Variants in RDX observed in about 807,000 individuals in gnomAD.
The protein encoded by RDX is radixin.
RDX carries 32 observed loss-of-function variants against 83.7 expected under a neutral mutation model. The ratio of observed to expected loss-of-function variants is 0.38; its 90% CI spans 0.29 to 0.51. RDX has a LOEUF of 0.51. Among genes scored for constraint, RDX ranks in the 20% least tolerant of loss-of-function variants. The pLI is 0.87. For missense variants in RDX, 600 were observed against 689.9 expected (o/e 0.87, Z 1.46); for synonymous variants, 229 against 222.7 (o/e 1.03, Z -0.25).
intron 14 of RDX, among the ~76,000 whole-genome samples, chr11:110,205,627 C>A (rs200689089): frequency 2.0e-4 from 31 of 151,882 alleles, no homozygotes; most frequent in Admixed American, 1.8e-3. Flanking sequence ...GAAAATGAAA[C>A]ATGAAAGGCC....
intron 14 of RDX, among the ~76,000 whole-genome samples, chr11:110,209,349 G>A (rs554882688): frequency 7.9e-5 from 12 of 151,976 alleles, no homozygotes; most frequent in East Asian, 1.9e-4. Flanking sequence ...CGCCCACGGA[G>A]TCTCGCTGAT....
chr11:110,285,533 G>C (rs929780369), intron 1 of RDX, among the ~76,000 whole-genome samples: 1 of 152,092 alleles, frequency 6.6e-6, no homozygotes, highest in Admixed American at 6.5e-5. Flanking sequence ...GGGCAACATG[G>C]AGAAACCCTG....
rs184676858 is a variant in RDX, at chr11:110,265,918, G to A, written c.97-1044C>T. 2.9e-3 allele frequency among the ~76,000 whole-genome samples: 439 copies of A among 152,234 alleles called. 3 individuals are homozygous for A. Among genetic ancestry groups the A allele is most frequent in the Middle Eastern group, 0.02 (6 of 294 alleles). ...ATCATAATTGTGTTATTAGCAGTGT[G>A]TCTATTTACCCTCCTTGACTGCATA... is the stretch of plus-strand genomic sequence containing the variant. On this transcript the variant is annotated intron_variant, in intron 3 of 13. Coordinates refer to ENST00000645495, the MANE Select transcript of RDX (RefSeq NM_002906.4).
chr11:110,177,143 A>C (rs1262904920), intron 15 of RDX, among the ~76,000 whole-genome samples: 1 of 152,272 alleles, frequency 6.6e-6, no homozygotes, highest in East Asian at 1.9e-4. Context: ...GTAAAAGCCA[A>C]GACAAGGAGA....
At position 110,231,865 on chromosome 11, in the gene RDX, G is replaced by A; in HGVS notation, c.*4C>T. ...TGAAGAACATATATGCAAAATAACA[G>A]CTCTCACATTGCTTCAAACTCATCG... On this transcript the variant is annotated 3_prime_UTR_variant, in exon 14 of 14. Coordinates refer to ENST00000645495, the MANE Select transcript of RDX (RefSeq NM_002906.4). 1 of 1,612,106 alleles carries A rather than the reference G, an allele frequency of 6.2e-7. No individual in the cohort carries two copies. The highest frequency in any genetic ancestry group is 8.5e-7 in the Non-Finnish European group (1 of 1,179,906).
intron 15 of RDX, among the ~76,000 whole-genome samples, chr11:110,175,805 T>C (rs937285405): frequency 6.6e-6 from 1 of 152,248 alleles, no homozygotes; most frequent in East Asian, 1.9e-4. Flanking sequence ...TTCAGTAAAC[T>C]CTGGAGGAGA....
At chr11:110,256,394 T>C (rs1859546774) in intron 7 of RDX, among the ~76,000 whole-genome samples, 1 of 152,226 alleles carries the variant, frequency 6.6e-6, no homozygotes, top group Non-Finnish European at 1.5e-5. Context: ...AAACGGAGAC[T>C]GCAGGAATGC....
At chr11:110,214,976 A>C (rs995016938) in intron 14 of RDX, among the ~76,000 whole-genome samples, 16 of 149,586 alleles carry the variant, frequency 1.1e-4, no homozygotes, top group Admixed American at 2.7e-4. Flanking sequence ...TTGTACCCTA[A>C]AACTTAAAGT....
At chr11:110,185,894 TACCA>T (rs1862977973) in intron 15 of RDX, among the ~76,000 whole-genome samples, 1 of 152,132 alleles carries the variant, frequency 6.6e-6, no homozygotes, top group Admixed American at 6.6e-5. Context: ...GCTACAAACC[TACCA>T]GTCAAGCAAC....
exon 16 of RDX, chr11:110,175,166 G>A (rs1382925774): frequency 6.6e-6 from 1 of 152,236 alleles, no homozygotes; most frequent in Non-Finnish European, 1.5e-5. Context: ...AACAGTGGTA[G>A]CTTCTGTGTC....
downstream of RDX, among the ~76,000 whole-genome samples, chr11:110,228,061 CCA>C (rs1864489378): frequency 6.6e-6 from 1 of 151,940 alleles, no homozygotes; most frequent in South Asian, 2.1e-4. Context: ...CATGATCTTT[CCA>C]CAGAGAAAAT....
chr11:110,212,722 C>T (rs1451793398), intron 14 of RDX, among the ~76,000 whole-genome samples: 1 of 118,732 alleles, frequency 8.4e-6, no homozygotes, highest in Non-Finnish European at 1.7e-5. Flanking sequence ...TAAACAGAGC[C>T]AAAGACAAAA....
intron 10 of RDX, among the ~76,000 whole-genome samples, chr11:110,242,941 C>G (rs1865159003): frequency 6.6e-6 from 1 of 151,916 alleles, no homozygotes; most frequent in Non-Finnish European, 1.5e-5. Context: ...TAGTACACAG[C>G]TGCTTTCACA....
intron 13 of RDX, 107 bp from the exon 14 acceptor site, chr11:110,232,140 G>T: frequency 1.1e-6 from 1 of 898,692 alleles, no homozygotes; most frequent in Non-Finnish European, 1.7e-6. Context: ...CATTTCCACT[G>T]TGAAACCTTT....
intron 14 of RDX, among the ~76,000 whole-genome samples, chr11:110,209,228 G>C (rs1440335087): frequency 6.6e-6 from 1 of 152,176 alleles, no homozygotes; most frequent in African/African-American, 2.4e-5. Flanking sequence ...AGGGGTGACG[G>C]ACGGCACCTG....
At chr11:110,207,724 GCTCATTA>G (rs2134249026) in intron 14 of RDX, among the ~76,000 whole-genome samples, 1 of 152,098 alleles carries the variant, frequency 6.6e-6, no homozygotes, top group African/African-American at 2.4e-5. Flanking sequence ...ACACAAACAT[GCTCATTA>G]TTTACATATA....
intron 4 of RDX, 107 bp from the exon 5 acceptor site, chr11:110,264,341 A>AG: frequency 1.3e-6 from 1 of 762,882 alleles, no homozygotes; most frequent in Non-Finnish European, 2.1e-6. Flanking sequence ...AATAGATTCT[A>AG]AATCTATGAA....
At chr11:110,294,664 T>C (rs1565341131) in intron 1 of RDX, among the ~76,000 whole-genome samples, 1 of 152,092 alleles carries the variant, frequency 6.6e-6, no homozygotes, top group African/African-American at 2.4e-5. Context: ...GTCTGTCATT[T>C]CTTACCAACA....
intron 15 of RDX, among the ~76,000 whole-genome samples, chr11:110,184,329 G>A (rs1003831297): frequency 1.3e-5 from 2 of 152,176 alleles, no homozygotes; most frequent in East Asian, 1.9e-4. Context: ...AAGCCCAGGC[G>A]GTGAACAGCC....
Sources: gnomAD v4.1 joint callset for allele counts (sites outside exome capture counted in the v4.1 genomes callset) on GRCh38, gnomAD v4.1.1 for gene constraint, MANE v1.5 for transcripts, NCBI Gene and HGNC (gene_info 2026-07-23, HGNC 2026-07-21) for gene names.